Variants in MREG observed in about 807,000 individuals in gnomAD.
MREG encodes the protein melanoregulin.
A neutral mutation model predicts 28.5 loss-of-function variants in MREG; 31 were observed. The observed-to-expected ratio is 1.09, with a 90% CI of 0.82 to 1.47. MREG has a LOEUF of 1.47. MREG is among the 40% of genes most tolerant of loss of function. The pLI, the probability that MREG is intolerant of heterozygous loss-of-function variation, is 0.00. For synonymous variants in MREG, 106 were observed against 95.2 expected (o/e 1.11, Z -0.66); for missense variants, 256 against 257.4 (o/e 0.99, Z 0.04).
upstream of MREG, among the ~76,000 whole-genome samples, chr2:216,015,779 A>C (rs538491747): frequency 1.4e-4 from 22 of 152,274 alleles, no homozygotes; most frequent in African/African-American, 4.1e-4. Context: ...GGATATGCTG[A>C]AGGATTGTAA....
chr2:215,978,628 T>C (rs1409148951), intron 2 of MREG, among the ~76,000 whole-genome samples: 1 of 152,082 alleles, frequency 6.6e-6, no homozygotes, highest in Non-Finnish European at 1.5e-5. Flanking sequence ...GATGCAAAAA[T>C]TCTCAATAAA....
chr2:215,970,582 G>A (rs1455040840), intron 2 of MREG, among the ~76,000 whole-genome samples: 1 of 152,216 alleles, frequency 6.6e-6, no homozygotes, highest in African/African-American at 2.4e-5. Context: ...CATCTGCACA[G>A]CCATACATGC....
chr2:215,949,936 G>C lies in MREG; in HGVS notation c.256-2823C>G, dbSNP rs546352193. 1.1e-4 allele frequency among the ~76,000 whole-genome samples: 16 copies of C among 152,198 alleles called. No homozygotes were observed. The East Asian group carries it at 2.7e-3, about 26-fold the overall frequency. On this transcript the variant is annotated intron_variant, in intron 2 of 4. Coordinates refer to ENST00000263268, the MANE Select transcript of MREG (RefSeq NM_018000.3). ...CTTATCTCACTATACTTTTATGTAA[G>C]TTGCCTTAACTCCTTTTAGATAAAA...
Position 215,978,186 on chromosome 2 carries a change from A to G in MREG, c.255+18120T>C, listed in dbSNP as rs180796203. 4.6e-5 allele frequency among the ~76,000 whole-genome samples: 7 copies of G among 152,314 alleles called. No individual in the cohort carries two copies. The East Asian group carries it at 9.6e-4, about 21-fold the overall frequency. On this transcript the variant is annotated intron_variant, in intron 2 of 4. Coordinates refer to ENST00000263268, the MANE Select transcript of MREG (RefSeq NM_018000.3). ...GAAGAATCAAATAGATGCAATAAAA[A>G]ATGATAAAGGGGATATCACCACCGA...
chr2:215,962,272 C>T (rs1692811765), intron 2 of MREG, among the ~76,000 whole-genome samples: 1 of 152,186 alleles, frequency 6.6e-6, no homozygotes, highest in African/African-American at 2.4e-5. Flanking sequence ...GTCTGCAAAG[C>T]CACAGGAAGG....
At chr2:216,006,750 T>C (rs546503101) in intron 1 of MREG, among the ~76,000 whole-genome samples, 2 of 152,154 alleles carry the variant, frequency 1.3e-5, no homozygotes, top group Non-Finnish European at 2.9e-5. Context: ...GTCATGTGAG[T>C]CCACACCGTA....
At chr2:215,958,794 C>T (rs999583579) in intron 2 of MREG, among the ~76,000 whole-genome samples, 5 of 152,182 alleles carry the variant, frequency 3.3e-5, no homozygotes, top group African/African-American at 4.8e-5. Context: ...AGATCCTCAC[C>T]GCCTCTAAAG....
chr2:215,963,946 C>T (rs577269079), intron 2 of MREG, among the ~76,000 whole-genome samples: 6 of 152,176 alleles, frequency 3.9e-5, no homozygotes, highest in South Asian at 2.1e-4. Flanking sequence ...TTATATGTGA[C>T]GGGAAGGAAA....
At chr2:216,015,947 G>T (rs1302529099), upstream of MREG, among the ~76,000 whole-genome samples, 1 of 152,182 alleles carries the variant, frequency 6.6e-6, no homozygotes, top group African/African-American at 2.4e-5. Context: ...AATCCTCATG[G>T]GCGGTGTATT....
chr2:216,026,353 G>GTTTATTTA lies in MREG; in HGVS notation c.-68+6428_-68+6435dup, dbSNP rs530129897. 2.5e-3 allele frequency among the ~76,000 whole-genome samples: 372 copies of GTTTATTTA among 148,488 alleles called. 1 individual carries two copies. The highest frequency in any genetic ancestry group is 9.1e-3 in the African/African-American group (358 of 39,394). ...ATTTTAAAATGGTTACTTCCATTGTGTTTATTTATTTATTTATTTATTTAT... is the reference window on the plus strand; with the variant it reads ...ATTTTAAAATGGTTACTTCCATTGTGTTTATTTATTTATTTATTTATTTATTTATTTAT... On this transcript the variant is annotated intron_variant, in intron 1 of 3. Transcript: ENST00000420348.
intron 1 of MREG, among the ~76,000 whole-genome samples, chr2:216,012,843 G>A (rs1161149848): frequency 1.3e-5 from 2 of 152,122 alleles, no homozygotes; most frequent in African/African-American, 2.4e-5. Context: ...TTTGCTGAGT[G>A]GCACAGAAAT....
At position 215,970,761 on chromosome 2, in the gene MREG, C is replaced by T. The variant is rs116017742; in HGVS notation, c.256-23648G>A. On this transcript the variant is annotated intron_variant, in intron 2 of 4. Transcript: ENST00000263268. ...AGCTCAAACGTTACACGAGAAAGCA[C>T]GCTGCAAAGAAAAGTGCTGTACGAA... is the stretch of plus-strand genomic sequence containing the variant. 6.6e-3 allele frequency among the ~76,000 whole-genome samples: 1,010 copies of T among 152,240 alleles called. 8 individuals are homozygous for T. Among genetic ancestry groups the T allele is most frequent in the African/African-American group, 0.023 (946 of 41,542 alleles).
At chr2:216,005,240 C>T (rs1694117126) in intron 1 of MREG, among the ~76,000 whole-genome samples, 1 of 152,016 alleles carries the variant, frequency 6.6e-6, no homozygotes, top group Non-Finnish European at 1.5e-5. Flanking sequence ...AAAGCTCCAC[C>T]AACAAAGTGA....
At chr2:215,977,508 C>T (rs996535159) in intron 2 of MREG, among the ~76,000 whole-genome samples, 1 of 152,204 alleles carries the variant, frequency 6.6e-6, no homozygotes, top group Non-Finnish European at 1.5e-5. Context: ...AGGACTTGAA[C>T]TCAGCTTTGC....
Position 215,951,312 on chromosome 2 carries a change from C to T in MREG, c.256-4199G>A, listed in dbSNP as rs191270733. On this transcript the variant is annotated intron_variant, in intron 2 of 4. Transcript: ENST00000263268. ...AGAAACTAACTCCGCTACTCCCTGG[C>T]GTTAGAGCAAGTCTTCCGATGTCCC... is the stretch of plus-strand genomic sequence containing the variant. Among the ~76,000 whole-genome samples, 679 of 152,300 alleles carry T rather than the reference C, an allele frequency of 4.5e-3. 4 individuals are homozygous for T. Among genetic ancestry groups the T allele is most frequent in the African/African-American group, 0.015 (609 of 41,562 alleles).
rs118183436 is a variant in MREG at position 215,988,187 on chromosome 2, G to A, written c.255+8119C>T. ...ACGGGTGATTTCTGCATTTCCACCTGAGGTACCTGGCTTATCTCATTGGGA... is the reference window on the plus strand; with the variant it reads ...ACGGGTGATTTCTGCATTTCCACCTAAGGTACCTGGCTTATCTCATTGGGA... On this transcript the variant is annotated intron_variant, in intron 2 of 4. Transcript: ENST00000263268. 2.1e-4 allele frequency among the ~76,000 whole-genome samples: 32 copies of A among 152,272 alleles called. No homozygotes were observed. The East Asian group carries it at 5.2e-3, about 25-fold the overall frequency.
intron 2 of MREG, among the ~76,000 whole-genome samples, chr2:215,962,807 G>A (rs1035446699): frequency 4.0e-5 from 6 of 151,612 alleles, no homozygotes; most frequent in South Asian, 2.1e-4. Context: ...TGAGATGGGC[G>A]GTAAGGGTAA....
At chr2:216,016,206 T>C (rs904082558), upstream of MREG, among the ~76,000 whole-genome samples, 1 of 152,202 alleles carries the variant, frequency 6.6e-6, no homozygotes, top group Non-Finnish European at 1.5e-5. Flanking sequence ...GCCCACACCA[T>C]GTCGCTTACC....
intron 2 of MREG, among the ~76,000 whole-genome samples, chr2:215,961,593 T>G (rs1692792167): frequency 6.6e-6 from 1 of 152,120 alleles, no homozygotes; most frequent in African/African-American, 2.4e-5. Flanking sequence ...GCCCGTCTAA[T>G]TTTTGTATTT....
Sources: gnomAD v4.1 joint callset for allele counts (sites outside exome capture counted in the v4.1 genomes callset) on GRCh38, gnomAD v4.1.1 for gene constraint, MANE v1.5 for transcripts, NCBI Gene and HGNC (gene_info 2026-07-23, HGNC 2026-07-21) for gene names.